Variants in RNF144B observed in about 807,000 individuals in gnomAD.
RNF144B encodes the protein E3 ubiquitin-protein ligase RNF144B.
Under a neutral mutation model 40.2 loss-of-function variants are expected in RNF144B, and 25 were observed. The observed-to-expected ratio is 0.62, with a 90% CI of 0.45 to 0.87. The LOEUF is 0.87. Among genes scored for constraint, RNF144B ranks in the 40% least tolerant of loss-of-function variants. RNF144B has a pLI of 0.00. For missense variants in RNF144B, 365 were observed against 373.7 expected, an observed-to-expected ratio of 0.98 and a Z score of 0.19; for synonymous variants, 145 against 136.3, an observed-to-expected ratio of 1.06 and a Z score of -0.44.
chr6:18,412,378 A>G lies in RNF144B; in HGVS notation c.165+12679A>G, dbSNP rs541114303. On this transcript the variant is annotated intron_variant, in intron 2 of 7. Coordinates refer to ENST00000259939, the MANE Select transcript of RNF144B (RefSeq NM_182757.4). The surrounding 1 kb of genome is among the most constrained non-coding windows in gnomAD (Gnocchi z 4.2). The stretch of plus-strand genomic sequence containing the variant: ...TAAGAGAAGCTCATCTCATGAATCT[A>G]TCTTTAAAAAACATACAGTATGCTC... Among the ~76,000 whole-genome samples, 8 of 152,338 alleles carry G rather than the reference A, an allele frequency of 5.3e-5. No individual in the cohort carries two copies. The East Asian group carries it at 7.7e-4, about 15-fold the overall frequency.
At position 18,406,473 on chromosome 6, in the gene RNF144B, TG is replaced by T. The variant is rs1794909901; in HGVS notation, c.165+6775del. On this transcript the variant is annotated intron_variant, in intron 2 of 7. Transcript: ENST00000259939. The surrounding 1 kb of genome is among the most constrained non-coding windows in gnomAD (Gnocchi z 4.2). ...GGCTGGAAAAGTGTGTGTGTGTGTG[TG>T]TGTGTGTGTGTGTGTGTGTGTGTGT... Among the ~76,000 whole-genome samples, 2 of 148,296 alleles carry T rather than the reference TG, an allele frequency of 1.3e-5. No homozygotes were observed. Among genetic ancestry groups the T allele is most frequent in the African/African-American group, 5.0e-5 (2 of 39,662 alleles).
intron 3 of RNF144B, among the ~76,000 whole-genome samples, chr6:18,428,970 T>A (rs1029971461): frequency 2.0e-5 from 3 of 152,114 alleles, no homozygotes; most frequent in African/African-American, 7.2e-5. Context: ...GGCAGAAGGA[T>A]TGCTTGAGTT....
chr6:18,387,846 T>A (rs557486633), intron 1 of RNF144B, among the ~76,000 whole-genome samples: 1 of 152,334 alleles, frequency 6.6e-6, no homozygotes, highest in African/African-American at 2.4e-5. Flanking sequence ...AGTAGTTTCA[T>A]TTCTAATAAA....
rs1759087404 is a variant in RNF144B at position 18,446,608 on chromosome 6, CTGTTA to C, written c.331+6868_331+6872del. Among the ~76,000 whole-genome samples the C allele has an allele frequency of 6.6e-6, 1 of 152,102 alleles. No homozygotes were observed. The highest frequency in any genetic ancestry group is 1.5e-5 in the Non-Finnish European group (1 of 68,020). On this transcript the variant is annotated intron_variant, in intron 4 of 7. Transcript: ENST00000259939. The surrounding 1 kb of genome is among the most constrained non-coding windows in gnomAD (Gnocchi z 4.7). ...TGTACTGATGCTATGTCTTATATTT[CTGTTA>C]TGTCACTCCATTTAGTTACACAAAT...
At chr6:18,452,838 G>A (rs1466352004) in intron 4 of RNF144B, among the ~76,000 whole-genome samples, 2 of 151,830 alleles carry the variant, frequency 1.3e-5, no homozygotes, top group Admixed American at 6.6e-5. Flanking sequence ...AGGCTGGAGT[G>A]CAGTGGCATG....
At position 18,459,610 on chromosome 6, in the gene RNF144B, C is replaced by G. The variant is rs1759407558; in HGVS notation, c.540C>G (p.Ala180=). 3 of 1,612,544 alleles carry G rather than the reference C, an allele frequency of 1.9e-6. No individual in the cohort carries two copies. The highest frequency in any genetic ancestry group is 2.5e-6 in the Non-Finnish European group (3 of 1,179,072). The change falls in exon 6 of 8, where the codon GCC becomes GCG. Residue 180 remains alanine (A), a synonymous_variant. Coordinates refer to ENST00000259939, the MANE Select transcript of RNF144B (RefSeq NM_182757.4). The surrounding 1 kb of genome is among the most constrained non-coding windows in gnomAD (Gnocchi z 4.2). ...QPIVLPTEHR[A]LFGTDAEAPI... is the part of the protein sequence containing the mutation. ...TTCTCATCCATTTTGTTTCTAGAGCCCTCTTTGGGACAGATGCAGAAGCCC... is the reference window on the plus strand; with the variant it reads ...TTCTCATCCATTTTGTTTCTAGAGCGCTCTTTGGGACAGATGCAGAAGCCC...
Position 18,398,284 on chromosome 6 carries a change from A to G in RNF144B, c.-36-1215A>G, listed in dbSNP as rs1306179032. 2.6e-5 allele frequency among the ~76,000 whole-genome samples: 4 copies of G among 152,216 alleles called. No homozygotes were observed. The highest frequency in any genetic ancestry group is 5.9e-5 in the Non-Finnish European group (4 of 68,032). ...TTATTTCAGTTAGCATGATGTCTTC[A>G]AGGTTCATCCATGTTGTAGCATGTG... On this transcript the variant is annotated intron_variant, in intron 1 of 7. Transcript: ENST00000259939. The surrounding 1 kb of genome is among the most constrained non-coding windows in gnomAD (Gnocchi z 5.0).
At chr6:18,427,740 A>G (rs921652044) in intron 3 of RNF144B, 55 bp downstream of exon 3, 3 of 1,170,138 alleles carry the variant, frequency 2.6e-6, no homozygotes, top group African/African-American at 1.5e-5. Flanking sequence ...ATTTATTAGG[A>G]TCTTGAGTCT....
chr6:18,443,458 G>A lies in RNF144B; in HGVS notation c.331+3714G>A, dbSNP rs948213469. Among the ~76,000 whole-genome samples, 4 of 151,872 alleles carry A rather than the reference G, an allele frequency of 2.6e-5. No individual in the cohort carries two copies. Among genetic ancestry groups the A allele is most frequent in the African/African-American group, 9.7e-5 (4 of 41,318 alleles). Reference sequence around the variant, plus strand: ...CATATTTTAGTAGAGATGGGGTTTCGACATGTTGGTCAGGCTGGTCTCGAA... The same window carrying A: ...CATATTTTAGTAGAGATGGGGTTTCAACATGTTGGTCAGGCTGGTCTCGAA... On this transcript the variant is annotated intron_variant, in intron 4 of 7. Transcript: ENST00000259939. The surrounding 1 kb of genome is among the most constrained non-coding windows in gnomAD (Gnocchi z 4.7).
In RNF144B at chr6:18,387,615, G is replaced by A; in HGVS notation, c.-52G>A. 7.6e-7 allele frequency: 1 copy of A among 1,311,450 alleles called. No homozygotes were observed. Among genetic ancestry groups the A allele is most frequent in the South Asian group, 1.2e-5 (1 of 82,516 alleles). The allele number at this position is 1,311,450 out of a possible 1,614,324, so 81.2% of individuals were successfully genotyped here. ...CTGAGAAGCCCGGCGACGGAGGAAC[G>A]CAGGTCTGCTGCCAGGTAGGTTTAG... On this transcript the variant is annotated 5_prime_UTR_variant, in exon 1 of 8. Coordinates refer to ENST00000259939, the MANE Select transcript of RNF144B (RefSeq NM_182757.4).
At position 18,444,113 on chromosome 6, in the gene RNF144B, G is replaced by A. The variant is rs748129875; in HGVS notation, c.331+4369G>A. On this transcript the variant is annotated intron_variant, in intron 4 of 7. Transcript: ENST00000259939. The surrounding 1 kb of genome is among the most constrained non-coding windows in gnomAD (Gnocchi z 4.3). ...TGAATTGTCCTCTGCTTTGTGTTAC[G>A]TATTTGCTCAGCTTGTCCTTTATGT... Among the ~76,000 whole-genome samples the A allele has an allele frequency of 4.6e-5, 7 of 152,258 alleles. No individual in the cohort carries two copies. The highest frequency in any genetic ancestry group is 1.3e-4 in the Admixed American group (2 of 15,278).
intron 2 of RNF144B, among the ~76,000 whole-genome samples, chr6:18,426,316 A>G (rs549758036): frequency 4.1e-4 from 63 of 152,318 alleles, no homozygotes; most frequent in African/African-American, 1.5e-3. Context: ...GTACTCCTCA[A>G]CATTTGAACT....
rs1795157432 is a variant in RNF144B, at chr6:18,416,910, G to A, written c.166-10671G>A. ...GTTTAAAAATATTGATAACAGTTCAGCAAGGTGGCAGAATATAAGATCAAT... is the reference window on the plus strand; with the variant it reads ...GTTTAAAAATATTGATAACAGTTCAACAAGGTGGCAGAATATAAGATCAAT... On this transcript the variant is annotated intron_variant, in intron 2 of 7. Coordinates refer to ENST00000259939, the MANE Select transcript of RNF144B (RefSeq NM_182757.4). The surrounding 1 kb of genome is among the most constrained non-coding windows in gnomAD (Gnocchi z 5.5). 6.6e-6 allele frequency among the ~76,000 whole-genome samples: 1 copy of A among 152,110 alleles called. No individual in the cohort carries two copies. The highest frequency in any genetic ancestry group is 2.4e-5 in the African/African-American group (1 of 41,418).
At position 18,446,637 on chromosome 6, in the gene RNF144B, A is replaced by G. The variant is rs141677064; in HGVS notation, c.331+6893A>G. Among the ~76,000 whole-genome samples the G allele has an allele frequency of 3.6e-3, 555 of 152,280 alleles. 6 individuals are homozygous for G. Among genetic ancestry groups the G allele is most frequent in the African/African-American group, 0.013 (521 of 41,564 alleles). On this transcript the variant is annotated intron_variant, in intron 4 of 7. Coordinates refer to ENST00000259939, the MANE Select transcript of RNF144B (RefSeq NM_182757.4). The surrounding 1 kb of genome is among the most constrained non-coding windows in gnomAD (Gnocchi z 4.7). ...TATGTCACTCCATTTAGTTACACAA[A>G]TGCAACATTCTAGGCATCTTGCTGG...
intron 3 of RNF144B, among the ~76,000 whole-genome samples, chr6:18,428,702 AC>A (rs1562049997): frequency 6.6e-6 from 1 of 151,886 alleles, no homozygotes; most frequent in African/African-American, 2.4e-5. Flanking sequence ...AGGCACCACC[AC>A]CCCCCAGTTG....
At chr6:18,423,067 G>A (rs1758467274) in intron 2 of RNF144B, among the ~76,000 whole-genome samples, 1 of 152,020 alleles carries the variant, frequency 6.6e-6, no homozygotes, top group African/African-American at 2.4e-5. Flanking sequence ...CTATTTGTCT[G>A]TGGACTTTCA....
chr6:18,420,797 G>T (rs1386381178), intron 2 of RNF144B, among the ~76,000 whole-genome samples: 3 of 152,074 alleles, frequency 2.0e-5, no homozygotes, highest in African/African-American at 4.8e-5. Context: ...AAGGGGAAAA[G>T]AATTGGAACT....
rs886984104 is a variant in RNF144B, at chr6:18,450,215, C to A, written c.332-6940C>A. Among the ~76,000 whole-genome samples, 1 of 151,350 alleles carries A rather than the reference C, an allele frequency of 6.6e-6. No homozygotes were observed. The highest frequency in any genetic ancestry group is 1.5e-5 in the Non-Finnish European group (1 of 67,918). ...TGTATTGATATGTTTACTTCCAATT[C>A]ATTACTTTCATGGCCTGTGTTTAAT... is the stretch of plus-strand genomic sequence containing the variant. On this transcript the variant is annotated intron_variant, in intron 4 of 7. Transcript: ENST00000259939. The surrounding 1 kb of genome is among the most constrained non-coding windows in gnomAD (Gnocchi z 4.7).
chr6:18,439,591 A>T (rs1758909772), intron 3 of RNF144B, 93 bp from the exon 4 acceptor site: 2 of 869,736 alleles, frequency 2.3e-6, no homozygotes, highest in East Asian at 4.8e-5. Flanking sequence ...TAGAGAAAGT[A>T]TAATAAGCAA....
Sources: gnomAD v4.1 joint callset for allele counts (sites outside exome capture counted in the v4.1 genomes callset) on GRCh38, gnomAD v4.1.1 for gene constraint, Gnocchi (gnomAD v3.1) non-coding constraint, MANE v1.5 for transcripts, NCBI Gene and HGNC (gene_info 2026-07-23, HGNC 2026-07-21) for gene names.